The following POTEE variants were observed in gnomAD, a reference collection of about 807,000 sequenced individuals.
POTEE encodes ANKRD26-like family C member 1A.
Under a neutral mutation model 74.2 loss-of-function variants are expected in POTEE, and 21 were observed. The observed-to-expected ratio is 0.28, with a 90% confidence interval of 0.20 to 0.41. The LOEUF is 0.41. POTEE is among the 10% of genes least tolerant of loss of function. The pLI, the probability that POTEE is intolerant of heterozygous loss-of-function variation, is 1.00. For missense variants in POTEE, 525 were observed against 1,158.6 expected (o/e 0.45, Z 7.94); for synonymous variants, 211 against 432.8 (o/e 0.49, Z 6.36).
intron 13 of POTEE, among the ~76,000 whole-genome samples, chr2:131,246,351 A>G (rs376224403): frequency 3.0e-5 from 4 of 133,530 alleles, no homozygotes; most frequent in South Asian, 2.5e-4. Flanking sequence ...ATAAAAATAT[A>G]AAAATGTTTC....
chr2:131,212,925 CTT>C (rs1482651247), intron 2 of POTEE, among the ~76,000 whole-genome samples: 1 of 150,626 alleles, frequency 6.6e-6, no homozygotes, highest in African/African-American at 2.5e-5. Context: ...ATCACCACCT[CTT>C]TGCAAGAGAA....
chr2:131,216,240 A>G (rs574707205), intron 2 of POTEE, among the ~76,000 whole-genome samples: 1 of 151,904 alleles, frequency 6.6e-6, no homozygotes, highest in African/African-American at 2.4e-5. Flanking sequence ...AAAAATTAAT[A>G]TTGTCAAAAT....
intron 6 of POTEE, among the ~76,000 whole-genome samples, chr2:131,224,248 C>G (rs1200360494): frequency 6.7e-6 from 1 of 149,468 alleles, no homozygotes; most frequent in African/African-American, 2.5e-5. Context: ...TTTTTTAATG[C>G]ACTTGTGGTA....
intron 10 of POTEE, among the ~76,000 whole-genome samples, chr2:131,237,177 G>A (rs1294719855): frequency 6.7e-6 from 1 of 149,862 alleles, no homozygotes; most frequent in Non-Finnish European, 1.5e-5. Flanking sequence ...TACAACACCC[G>A]AACATGATGA....
chr2:131,223,788 A>C lies in POTEE; in HGVS notation c.636+78A>C, dbSNP rs766996417. 1.9e-5 allele frequency: 31 copies of C among 1,609,378 alleles called. 3 individuals are homozygous for C. In the African/African-American group the frequency reaches 2.9e-4, roughly 15 times the overall value. ...GCATAAAAATGAGTTTTCTCCTTTA[A>C]ATATAACTAGTTGGTGAAAGCTGTG... On this transcript the variant is annotated intron_variant, in intron 5 of 17. Coordinates refer to ENST00000683005, the MANE Select transcript of POTEE (RefSeq NM_001083538.3).
chr2:131,236,358 C>G (rs909570497), intron 9 of POTEE, among the ~76,000 whole-genome samples: 1 of 152,052 alleles, frequency 6.6e-6, no homozygotes, highest in Admixed American at 6.6e-5. Context: ...TAGAGTCAGA[C>G]TAGCTAAGTG....
At chr2:131,237,829 A>G (rs1450240797) in intron 10 of POTEE, among the ~76,000 whole-genome samples, 1 of 152,294 alleles carries the variant, frequency 6.6e-6, no homozygotes, top group Admixed American at 6.5e-5. Context: ...AACACTACAA[A>G]TCATCTGCTG....
At chr2:131,210,174 G>A (rs1333003079) in intron 1 of POTEE, among the ~76,000 whole-genome samples, 12 of 138,380 alleles carry the variant, frequency 8.7e-5, no homozygotes, top group Admixed American at 6.6e-4. Context: ...AGTGTTGTCG[G>A]GTGCTGCACT....
rs1369774989 is a variant in POTEE at position 131,263,306 on chromosome 2, A to T, written c.1900-49A>T. ...TTTTTGAATTTCAGAAGAAATCATG[A>T]TATGTCAATCTATTGAGTGCTAACT... On this transcript the variant is annotated intron_variant, in intron 17 of 17. Coordinates refer to ENST00000683005, the MANE Select transcript of POTEE (RefSeq NM_001083538.3). The T allele has an allele frequency of 5.4e-5, 85 of 1,574,566 alleles. No homozygotes were observed. The East Asian group carries it at 1.6e-3, about 30-fold the overall frequency.
chr2:131,209,740 C>A lies in POTEE; in HGVS notation c.-424C>A, dbSNP rs1331273095. Among the ~76,000 whole-genome samples the A allele has an allele frequency of 3.9e-5, 6 of 152,364 alleles. No homozygotes were observed. Among genetic ancestry groups the A allele is most frequent in the Admixed American group, 3.9e-4 (6 of 15,308 alleles). On this transcript the variant is annotated 5_prime_UTR_variant, in exon 1 of 18. Transcript: ENST00000683005. ...CATGCTGGAGGCTGGAGCCTGAGCC[C>A]CTGGGGCTCGCCTTGCTGTGTTTGG...
rs1459458441 is a variant in POTEE, at chr2:131,265,152, CT to C, written c.*470del. On this transcript the variant is annotated 3_prime_UTR_variant, in exon 18 of 18. Transcript: ENST00000683005. ...TGAATGATCAGCCTTCGTGGCCCCC[CT>C]CTTTTGTACCCCAACTTGGGGTGTA... The C allele has an allele frequency of 7.0e-6, 1 of 143,496 alleles. No homozygotes were observed. The highest frequency in any genetic ancestry group is 2.8e-5 in the African/African-American group (1 of 35,206). The allele number at this position is 143,496 out of a possible 1,614,324, so 8.9% of individuals were successfully genotyped here. A position where few individuals can be genotyped will look rare whatever the true frequency, so the allele number is the denominator to read the frequency against.
Position 131,222,594 on chromosome 2 carries a change from G to A in POTEE, c.522-1002G>A, listed in dbSNP as rs951979816. 4.0e-5 allele frequency among the ~76,000 whole-genome samples: 6 copies of A among 151,794 alleles called. No individual in the cohort carries two copies. The East Asian group carries it at 5.8e-4, about 15-fold the overall frequency. ...ACAGTTGAAAAAAGCTCCACAAATC[G>A]TTTCATAAATCCGTTTTAAAAGGAG... is the stretch of plus-strand genomic sequence containing the variant. On this transcript the variant is annotated intron_variant, in intron 4 of 17. Coordinates refer to ENST00000683005, the MANE Select transcript of POTEE (RefSeq NM_001083538.3).
chr2:131,235,792 CAAAAAAAA>C (rs1203876832), intron 9 of POTEE, among the ~76,000 whole-genome samples: 1 of 79,144 alleles, frequency 1.3e-5, no homozygotes, highest in South Asian at 5.5e-4. Context: ...GACCCTGGCT[CAAAAAAAA>C]AAAAAAAAAA....
chr2:131,261,263 C>T (rs950421279), intron 16 of POTEE, among the ~76,000 whole-genome samples: 1 of 145,476 alleles, frequency 6.9e-6, no homozygotes, highest in East Asian at 2.2e-4. Context: ...TGACCTGAAC[C>T]CTGTTGTAAG....
intron 8 of POTEE, chr2:131,229,744 G>C (rs1700891274): frequency 6.6e-6 from 1 of 152,090 alleles, no homozygotes; most frequent in Admixed American, 6.5e-5. Context: ...TTGACTATTT[G>C]CTGACTAGCT....
At chr2:131,239,804 A>G (rs1425273472) in intron 12 of POTEE, among the ~76,000 whole-genome samples, 2 of 151,884 alleles carry the variant, frequency 1.3e-5, no homozygotes, top group Admixed American at 6.5e-5. Context: ...ACCAAAAGTT[A>G]GTTTTTTGGT....
Position 131,230,756 on chromosome 2 carries a change from C to T in POTEE, c.1056-80C>T, listed in dbSNP as rs1325736898. The T allele has an allele frequency of 2.6e-6, 4 of 1,520,468 alleles. No homozygotes were observed. The African/African-American group carries it at 4.2e-5, about 16-fold the overall frequency. 94.2% of individuals were successfully genotyped at this position (1,520,468 alleles called of 1,614,324 possible). On this transcript the variant is annotated intron_variant, in intron 8 of 17. Coordinates refer to ENST00000683005, the MANE Select transcript of POTEE (RefSeq NM_001083538.3). ...TTATTCTGATATTGTTTGAAATACTCTTAATAATTCTACATTTGGTAAGTT... is the reference window on the plus strand; with the variant it reads ...TTATTCTGATATTGTTTGAAATACTTTTAATAATTCTACATTTGGTAAGTT...
chr2:131,224,927 A>G (rs1700733421), intron 6 of POTEE, among the ~76,000 whole-genome samples: 1 of 152,130 alleles, frequency 6.6e-6, no homozygotes, highest in African/African-American at 2.4e-5. Flanking sequence ...GGAAGGGGGA[A>G]GATAAACAAG....
intron 4 of POTEE, among the ~76,000 whole-genome samples, chr2:131,222,405 T>G (rs893385156): frequency 6.6e-6 from 1 of 151,668 alleles, no homozygotes; most frequent in Non-Finnish European, 1.5e-5. Context: ...CTGGGGCCTA[T>G]TACAGGGTGA....
Sources: allele counts gnomAD v4.1 joint callset (sites outside exome capture counted in the v4.1 genomes callset), GRCh38; gene constraint gnomAD v4.1.1; transcripts MANE v1.5; gene names NCBI Gene and HGNC (gene_info 2026-07-23, HGNC 2026-07-21).